The following OR1S1 variants were observed in gnomAD, a reference collection of about 807,000 sequenced individuals.
OR1S1 encodes olfactory receptor family 1 subfamily S member 1.
For missense variants in OR1S1, 411 were observed against 367.5 expected (o/e 1.12, Z -0.97); for synonymous variants, 156 against 143.9 (o/e 1.08, Z -0.60).
chr11:58,214,732 T>C, exon 2 of OR1S1: 3 of 1,609,310 alleles, frequency 1.9e-6, no homozygotes, highest in Non-Finnish European at 2.5e-6. Context: ...ATGTTAGGTT[T>C]TCTTGTAGGA....
intron 1 of OR1S1, among the ~76,000 whole-genome samples, chr11:58,213,290 C>T (rs1170355616): frequency 2.6e-5 from 4 of 152,192 alleles, no homozygotes; most frequent in African/African-American, 7.2e-5. Context: ...GAAAATCATA[C>T]TAGGTCCAGT....
At chr11:58,214,420 T>G (rs1852887331) in intron 1 of OR1S1, among the ~76,000 whole-genome samples, 3 of 152,198 alleles carry the variant, frequency 2.0e-5, no homozygotes, top group African/African-American at 7.2e-5. Flanking sequence ...GTTTGGTCAT[T>G]TTTAAGTTAA....
intron 1 of OR1S1, among the ~76,000 whole-genome samples, chr11:58,213,631 T>C (rs1415362931): frequency 6.6e-6 from 1 of 152,212 alleles, no homozygotes; most frequent in African/African-American, 2.4e-5. Flanking sequence ...TTTTTCAGTT[T>C]TATCAGGTCA....
intron 1 of OR1S1, 94 bp downstream of exon 1, chr11:58,212,931 C>G (rs1338994453): frequency 6.6e-6 from 1 of 152,238 alleles, no homozygotes; most frequent in Non-Finnish European, 1.5e-5. Context: ...CAGCCCAGGC[C>G]TTGGTAACCA....
exon 2 of OR1S1, chr11:58,214,905 G>C (rs1852908607): frequency 6.2e-7 from 1 of 1,614,012 alleles, no homozygotes; most frequent in Non-Finnish European, 8.5e-7. Flanking sequence ...ACTGTGATTG[G>C]GAACGGGCTC....
intron 1 of OR1S1, among the ~76,000 whole-genome samples, chr11:58,214,066 T>C (rs1852876873): frequency 6.6e-6 from 1 of 152,110 alleles, no homozygotes; most frequent in South Asian, 2.1e-4. Flanking sequence ...CACCATCTTT[T>C]CTCTTTACCC....
At chr11:58,215,673 T>A in exon 2 of OR1S1, 1 of 1,613,924 alleles carries the variant, frequency 6.2e-7, no homozygotes. Context: ...AATAAGGATA[T>A]GAAAGGTGCC....
At chr11:58,215,181 C>T (rs144099010) in exon 2 of OR1S1, 2 of 1,614,048 alleles carry the variant, frequency 1.2e-6, no homozygotes, top group African/African-American at 1.3e-5. Flanking sequence ...CTGAATTATA[C>T]AATTCTCATG....
At chr11:58,215,300 A>G in exon 2 of OR1S1, 1 of 1,611,748 alleles carries the variant, frequency 6.2e-7, no homozygotes, top group Non-Finnish European at 8.5e-7. Flanking sequence ...TAACCACAAC[A>G]CTCTCCCACA....
chr11:58,215,935 T>A, exon 2 of OR1S1: 2 of 579,540 alleles, frequency 3.5e-6, no homozygotes, highest in Admixed American at 3.1e-5. Context: ...ATAACACGCA[T>A]CCTTAGAGAG....
chr11:58,215,807 A>G (rs1852932877), exon 2 of OR1S1: 7 of 1,478,678 alleles, frequency 4.7e-6, no homozygotes, highest in Non-Finnish European at 5.5e-6. Context: ...TGATGGTTCA[A>G]CTTTTGATGA....
chr11:58,215,854 G>T (rs1852933710), exon 2 of OR1S1: 5 of 1,184,228 alleles, frequency 4.2e-6, no homozygotes, highest in Non-Finnish European at 4.8e-6. Flanking sequence ...AACCTCTGAA[G>T]GGGTTGGAGC....
intron 1 of OR1S1, among the ~76,000 whole-genome samples, chr11:58,213,760 C>T (rs752466799): frequency 6.6e-6 from 1 of 152,106 alleles, no homozygotes; most frequent in East Asian, 1.9e-4. Context: ...TTTTGGGGTT[C>T]GTCAGGGGCT....
At chr11:58,214,798 C>A (rs779082823) in exon 2 of OR1S1, 2 of 1,613,792 alleles carry the variant, frequency 1.2e-6, no homozygotes, top group African/African-American at 2.7e-5. Flanking sequence ...ATCAAGGAAA[C>A]CAAACCACCA....
exon 2 of OR1S1, chr11:58,214,906 G>A (rs868386798): frequency 6.2e-7 from 1 of 1,613,990 alleles, no homozygotes; most frequent in Non-Finnish European, 8.5e-7. Flanking sequence ...CTGTGATTGG[G>A]AACGGGCTCA....
Position 58,214,956 on chromosome 11 carries a change from C to T in OR1S1, c.173C>T (p.Pro58Leu), listed in dbSNP as rs770434407. The T allele has an allele frequency of 1.2e-6, 2 of 1,614,006 alleles. No homozygotes were observed. Among genetic ancestry groups the T allele is most frequent in the African/African-American group, 2.7e-5 (2 of 74,896 alleles). Residue 58 changes from proline (P) to leucine (L), a missense_variant, in exon 2 of 2, where the codon CCC (proline) becomes CTC (leucine). Transcript: ENST00000641544. ...AGCTTGGATACGTACCTTCATACCC[C>T]CATGTATCTCTTCCTTGCCAATCTA...
chr11:58,214,317 T>G (rs560293353), intron 1 of OR1S1, among the ~76,000 whole-genome samples: 42 of 152,328 alleles, frequency 2.8e-4, no homozygotes, highest in African/African-American at 9.9e-4. Flanking sequence ...TTCCTAACCC[T>G]CAGTTGTGTT....
chr11:58,213,616 CCTT>C (rs1443902239), intron 1 of OR1S1, among the ~76,000 whole-genome samples: 2 of 152,150 alleles, frequency 1.3e-5, no homozygotes, highest in Admixed American at 1.3e-4. Flanking sequence ...TTTGGTCTTT[CCTT>C]CTTTTTCAGT....
exon 2 of OR1S1, chr11:58,215,745 T>C: frequency 6.3e-7 from 1 of 1,597,028 alleles, no homozygotes; most frequent in Non-Finnish European, 8.5e-7. Flanking sequence ...CTACATTCTT[T>C]TAGTCCACAT....
Sources: allele counts gnomAD v4.1 joint callset (sites outside exome capture counted in the v4.1 genomes callset), GRCh38; gene constraint gnomAD v4.1.1; transcripts MANE v1.5; gene names NCBI Gene and HGNC (gene_info 2026-07-23, HGNC 2026-07-21).